Variants in FAAH2 observed in about 807,000 individuals in gnomAD.
FAAH2 encodes fatty acid amide hydrolase 2.
In FAAH2, 60 loss-of-function variants were observed where a neutral mutation model predicts 36.9. The observed-to-expected ratio is 1.63, with a 90% CI of 1.32 to 2.02. The LOEUF (loss-of-function observed/expected upper bound fraction) is 2.02. FAAH2 is among the 30% of genes most tolerant of loss of function. FAAH2 has a pLI of 0.00. For missense variants in FAAH2, 689 were observed against 397.5 expected (o/e 1.73, Z -6.23); for synonymous variants, 214 against 143.8 (o/e 1.49, Z -3.49).
the FAAH2 span, among the ~76,000 whole-genome samples, chrX:57,180,406 T>C: frequency 9.0e-6 from 1 of 111,374 alleles, no homozygotes; most frequent in Non-Finnish European, 1.9e-5. Flanking sequence ...ATGAACTAAA[T>C]TAGAAATGAC....
intron 2 of FAAH2, among the ~76,000 whole-genome samples, chrX:57,300,806 G>A (rs2146840642): frequency 8.9e-6 from 1 of 111,996 alleles, no homozygotes; most frequent in South Asian, 3.7e-4. Context: ...CAAAGGATGT[G>A]AACAGACACT....
intron 10 of FAAH2, among the ~76,000 whole-genome samples, chrX:57,457,021 C>T (rs924980752): frequency 9.0e-6 from 1 of 111,483 alleles, no homozygotes; most frequent in Non-Finnish European, 1.9e-5. Context: ...AGTCAATATC[C>T]CTGATGAACA....
intron 5 of FAAH2, among the ~76,000 whole-genome samples, chrX:57,353,613 TAATTA>T (rs2147112385): frequency 9.1e-6 from 1 of 110,288 alleles, no homozygotes; most frequent in South Asian, 3.8e-4. Flanking sequence ...AAATGTGACT[TAATTA>T]AATTTAAAAC....
At chrX:57,131,178 C>T in the FAAH2 span, among the ~76,000 whole-genome samples, 8 of 106,652 alleles carry the variant, frequency 7.5e-5, no homozygotes, top group Non-Finnish European at 1.4e-4. Flanking sequence ...CTCCGCTTCC[C>T]GGGTTCACGC....
At chrX:57,319,762 T>A (rs1180332894) in intron 3 of FAAH2, among the ~76,000 whole-genome samples, 1 of 112,037 alleles carries the variant, frequency 8.9e-6, no homozygotes, top group Non-Finnish European at 1.9e-5. Flanking sequence ...GTTACCTTAC[T>A]GCAAAGTATA....
chrX:57,148,804 G>A, the FAAH2 span, among the ~76,000 whole-genome samples: 58 of 111,634 alleles, frequency 5.2e-4, no homozygotes, highest in Middle Eastern at 4.6e-3. Context: ...TAGTTGAATA[G>A]GAGTGGTGAG....
intron 8 of FAAH2, among the ~76,000 whole-genome samples, chrX:57,440,791 A>G (rs759778987): frequency 9.0e-6 from 1 of 111,639 alleles, no homozygotes; most frequent in African/African-American, 3.3e-5. Context: ...TACCTACTTT[A>G]TGGAGGGTTT....
chrX:57,474,898 C>T (rs1037545399), intron 10 of FAAH2, among the ~76,000 whole-genome samples: 8 of 111,676 alleles, frequency 7.2e-5, no homozygotes, highest in Middle Eastern at 4.6e-3. Flanking sequence ...TTCTAACTGG[C>T]GTGAGATGGT....
chrX:57,442,516 A>G (rs2056583230), intron 8 of FAAH2, among the ~76,000 whole-genome samples: 1 of 110,798 alleles, frequency 9.0e-6, no homozygotes, highest in African/African-American at 3.3e-5. Context: ...TGCATGTGAT[A>G]TGGGTTTCCT....
At chrX:57,305,269 A>T (rs2052489674) in intron 2 of FAAH2, among the ~76,000 whole-genome samples, 1 of 111,332 alleles carries the variant, frequency 9.0e-6, no homozygotes, top group Non-Finnish European at 1.9e-5. Flanking sequence ...ATGGGCACCA[A>T]AAGTCAAAAT....
At chrX:57,211,867 A>G in the FAAH2 span, among the ~76,000 whole-genome samples, 634 of 112,149 alleles carry the variant, frequency 5.7e-3, 5 homozygotes, top group African/African-American at 0.02. Context: ...AGAAGCAAAG[A>G]AAAATGACCC....
intron 5 of FAAH2, among the ~76,000 whole-genome samples, chrX:57,375,149 C>T (rs2054640516): frequency 9.1e-6 from 1 of 109,441 alleles, no homozygotes; most frequent in East Asian, 2.9e-4. Flanking sequence ...TTTTTGCATC[C>T]ATGTCCATCA....
At chrX:57,233,948 C>G in the FAAH2 span, among the ~76,000 whole-genome samples, 1 of 112,989 alleles carries the variant, frequency 8.9e-6, no homozygotes, top group Non-Finnish European at 1.9e-5. Context: ...GCCCAGTGGA[C>G]AGCATCTTTT....
At chrX:57,276,051 C>T in the FAAH2 span, among the ~76,000 whole-genome samples, 1 of 111,584 alleles carries the variant, frequency 9.0e-6, no homozygotes, top group Non-Finnish European at 1.9e-5. Context: ...AGGAATTGAA[C>T]TCACCTCTGC....
chrX:57,394,201 G>T lies in FAAH2; in HGVS notation c.996+13172G>T, dbSNP rs1465926268. The T allele has an allele frequency of 1.1e-5, 7 of 651,772 alleles. No homozygotes were observed. The East Asian group carries it at 1.9e-4, about 18-fold the overall frequency. The allele number at this position is 651,772 out of a possible 1,213,427, so 53.7% of individuals were successfully genotyped here. A position where few individuals can be genotyped will look rare whatever the true frequency, so the allele number is the denominator to read the frequency against. On this transcript the variant is annotated intron_variant, in intron 7 of 10. Transcript: ENST00000374900. Reference sequence around the variant, plus strand: ...CACCACCTTTTATTCCAAAGGTGGGGCCCTGAGAAGGCTGTCGCACACACA... The same window carrying T: ...CACCACCTTTTATTCCAAAGGTGGGTCCCTGAGAAGGCTGTCGCACACACA...
At chrX:57,394,335 A>G in intron 7 of FAAH2, 1 of 1,147,352 alleles carries the variant, frequency 8.7e-7, no homozygotes, top group Non-Finnish European at 1.2e-6. Flanking sequence ...ACCACCTGAT[A>G]TTTCCCAACA....
intron 3 of FAAH2, among the ~76,000 whole-genome samples, chrX:57,328,633 C>T (rs1257057932): frequency 8.9e-6 from 1 of 111,791 alleles, no homozygotes; most frequent in Non-Finnish European, 1.9e-5. Flanking sequence ...GGAAAACACT[C>T]TGATTTTTTG....
chrX:57,420,384 C>G (rs1422367245), intron 7 of FAAH2, among the ~76,000 whole-genome samples: 1 of 111,615 alleles, frequency 9.0e-6, no homozygotes, highest in African/African-American at 3.3e-5. Flanking sequence ...TTTGTATCCT[C>G]TTTTATTTCC....
At position 57,406,768 on chromosome X, in the gene FAAH2, A is replaced by G. The variant is rs111272502; in HGVS notation, c.997-25150A>G. The stretch of plus-strand genomic sequence containing the variant: ...TGCACTCTGTGGCAGGGATGCTACC[A>G]CTCTGTGTAGAGAGAGGAAGATGAA... On this transcript the variant is annotated intron_variant, in intron 7 of 10. Coordinates refer to ENST00000374900, the MANE Select transcript of FAAH2 (RefSeq NM_174912.4). Among the ~76,000 whole-genome samples, 197 of 112,128 alleles carry G rather than the reference A, an allele frequency of 1.8e-3. 1 individual carries two copies. Among genetic ancestry groups the G allele is most frequent in the African/African-American group, 5.9e-3 (183 of 30,881 alleles).
Sources: gnomAD v4.1 joint callset for allele counts (sites outside exome capture counted in the v4.1 genomes callset) on GRCh38, gnomAD v4.1.1 for gene constraint, MANE v1.5 for transcripts, NCBI Gene and HGNC (gene_info 2026-07-23, HGNC 2026-07-21) for gene names.